CELF2: variants seen among roughly 807,000 people sequenced by gnomAD.
The protein encoded by CELF2 is CUG triplet repeat RNA-binding protein 2.
A neutral mutation model predicts 62.6 loss-of-function variants in CELF2; 8 were observed. The observed-to-expected ratio is 0.13, with a 90% CI of 0.07 to 0.23. The LOEUF (loss-of-function observed/expected upper bound fraction) is 0.23, where lower values mean the gene tolerates loss of function less well. Ranked by LOEUF, CELF2 falls within the 10% of genes least tolerant of loss-of-function variation. CELF2 has a pLI of 1.00. For synonymous variants in CELF2, 258 were observed against 250.0 expected (o/e 1.03, Z -0.30); for missense variants, 333 against 671.0 (o/e 0.50, Z 5.56).
intron 1 of CELF2, among the ~76,000 whole-genome samples, chr10:11,028,393 G>A (rs1325000768): frequency 6.6e-6 from 1 of 150,640 alleles, no homozygotes; most frequent in African/African-American, 2.4e-5. Context: ...AGCCGTTAAG[G>A]AAACGATTTT....
At chr10:10,944,767 AT>A (rs1175925869) in intron 2 of CELF2, among the ~76,000 whole-genome samples, 3 of 151,922 alleles carry the variant, frequency 2.0e-5, no homozygotes, top group African/African-American at 7.2e-5. Context: ...ACACCCAGCT[AT>A]TTTTTTGTAT....
In CELF2 at chr10:11,145,822, G is replaced by C. The variant is rs2062161090; in HGVS notation, c.75-19664G>C. Among the ~76,000 whole-genome samples the C allele has an allele frequency of 6.6e-6, 1 of 152,182 alleles. No homozygotes were observed. ...GTAGCGTTCTGGGTGCTGGGGATCAGGTTAGGCCAGGTAGCTTCTGTTTAA... is the reference window on the plus strand; with the variant it reads ...GTAGCGTTCTGGGTGCTGGGGATCACGTTAGGCCAGGTAGCTTCTGTTTAA... On this transcript the variant is annotated intron_variant, in intron 1 of 12. Transcript: ENST00000633077. This position sits in a 1 kb window ranked among gnomAD's most constrained non-coding sequence, Gnocchi z 4.3.
chr10:10,505,028 G>A, the CELF2 span, among the ~76,000 whole-genome samples: 2 of 152,100 alleles, frequency 1.3e-5, no homozygotes, highest in Non-Finnish European at 2.9e-5. Context: ...TGTCATCAAG[G>A]TGTTGGCATC....
chr10:11,318,589 TG>T lies in CELF2; in HGVS notation c.1097-2598del. 2.7e-6 allele frequency: 1 copy of T among 372,774 alleles called. No individual in the cohort carries two copies. Among genetic ancestry groups the T allele is most frequent in the Non-Finnish European group, 5.4e-6 (1 of 184,318 alleles). The allele number at this position is 372,774 out of a possible 1,614,324, so 23.1% of individuals were successfully genotyped here. A position where few individuals can be genotyped will look rare whatever the true frequency, so the allele number is the denominator to read the frequency against. On this transcript the variant is annotated intron_variant, in intron 10 of 12. Transcript: ENST00000633077. The surrounding 1 kb of genome is among the most constrained non-coding windows in gnomAD (Gnocchi z 5.4). ...TGGAGCCAGGAGAGAAGGATGTGGC[TG>T]GAATGTCACTGGCTGGAGCTCCAAG...
chr10:10,793,614 C>G (rs2053976865), upstream of CELF2, among the ~76,000 whole-genome samples: 1 of 152,202 alleles, frequency 6.6e-6, no homozygotes, highest in Admixed American at 6.5e-5. Context: ...ATGCGTTCAA[C>G]TAGCCAATCT....
At chr10:10,463,950 C>G in the CELF2 span, among the ~76,000 whole-genome samples, 9 of 119,698 alleles carry the variant, frequency 7.5e-5, no homozygotes, top group African/African-American at 2.4e-4. Context: ...TCCATTAAAA[C>G]CTTTTTCTAA....
At chr10:11,030,811 A>T (rs1250421183) in intron 1 of CELF2, 1 of 152,118 alleles carries the variant, frequency 6.6e-6, no homozygotes, top group East Asian at 1.9e-4. Context: ...CTTTTTCTTG[A>T]TTGTATTTCA....
intron 2 of CELF2, among the ~76,000 whole-genome samples, chr10:10,940,963 T>G (rs1207730235): frequency 3.3e-5 from 5 of 152,212 alleles, no homozygotes; most frequent in Non-Finnish European, 7.3e-5. Flanking sequence ...CTACCAAACA[T>G]CTAAGTATGC....
At chr10:10,747,606 G>A in the CELF2 span, among the ~76,000 whole-genome samples, 60,109 of 151,770 alleles carry the variant, frequency 0.4, 13,067 homozygotes, top group African/African-American at 0.55. Context: ...ATGCTCTGAG[G>A]ATGGAAAATA....
In CELF2 at chr10:11,306,712, A is replaced by C. The variant is rs1565897851; in HGVS notation, c.977-7427A>C. ...CACTTTAAGGCAAGTCATCTAGTTA[A>C]TTTTTCTTAGTCTCATGCTTGATTC... On this transcript the variant is annotated intron_variant, in intron 9 of 12. Transcript: ENST00000633077. This position sits in a 1 kb window ranked among gnomAD's most constrained non-coding sequence, Gnocchi z 4.4. Among the ~76,000 whole-genome samples the C allele has an allele frequency of 6.6e-6, 1 of 151,964 alleles. No homozygotes were observed. The highest frequency in any genetic ancestry group is 1.5e-5 in the Non-Finnish European group (1 of 67,996).
At position 10,990,901 on chromosome 10, in the gene CELF2, G is replaced by T. The variant is rs140771808; in HGVS notation, c.89+70902G>T. 7.7e-3 allele frequency among the ~76,000 whole-genome samples: 1,168 copies of T among 152,180 alleles called. 8 individuals are homozygous for T. The highest frequency in any genetic ancestry group is 0.026 in the African/African-American group (1,095 of 41,524). On this transcript the variant is annotated intron_variant, in intron 2 of 13. Coordinates refer to the CELF2 transcript ENST00000636488. The surrounding 1 kb of genome is among the most constrained non-coding windows in gnomAD (Gnocchi z 4.6). Reference sequence around the variant, plus strand: ...AATTTTGCAGGCATTTTGGCATTGAGTCTTCATTTAAAGAATGAAAATGAA... The same window carrying T: ...AATTTTGCAGGCATTTTGGCATTGATTCTTCATTTAAAGAATGAAAATGAA...
rs372655381 is a variant in CELF2, at chr10:11,056,889, CTG to C, written c.74+38729_74+38730del. Among the ~76,000 whole-genome samples, 742 of 152,306 alleles carry C rather than the reference CTG, an allele frequency of 4.9e-3. 6 individuals are homozygous for C. Among genetic ancestry groups the C allele is most frequent in the African/African-American group, 0.017 (725 of 41,564 alleles). On this transcript the variant is annotated intron_variant, in intron 1 of 12. Transcript: ENST00000633077. ...AAGAAGTCATAGTACTGGGGGAAGT[CTG>C]TGCAGGGAAGGGCAAGGCCCACAGG...
At chr10:10,900,761 A>G (rs540094113) in intron 1 of CELF2, among the ~76,000 whole-genome samples, 1 of 152,342 alleles carries the variant, frequency 6.6e-6, no homozygotes, top group African/African-American at 2.4e-5. Flanking sequence ...AAAGACACTT[A>G]TATTGAAAAG....
At chr10:11,286,982 T>C (rs2091469597) in intron 8 of CELF2, among the ~76,000 whole-genome samples, 1 of 152,174 alleles carries the variant, frequency 6.6e-6, no homozygotes. Flanking sequence ...AAATGCACCC[T>C]GGTTGAGGAG....
chr10:10,803,556 C>CTCCCAG (rs1351428455), intron 1 of CELF2, among the ~76,000 whole-genome samples: 2 of 152,226 alleles, frequency 1.3e-5, no homozygotes, highest in Non-Finnish European at 2.9e-5. Flanking sequence ...CTTCCCTGAC[C>CTCCCAG]TCCCAGTTTA....
At chr10:11,074,385 C>A (rs931560746) in intron 1 of CELF2, among the ~76,000 whole-genome samples, 10 of 152,100 alleles carry the variant, frequency 6.6e-5, no homozygotes, top group African/African-American at 2.2e-4. Flanking sequence ...TCGCTTCCAG[C>A]CTAGGTCTAT....
At chr10:10,500,495 T>C in the CELF2 span, among the ~76,000 whole-genome samples, 7 of 152,180 alleles carry the variant, frequency 4.6e-5, no homozygotes, top group Non-Finnish European at 8.8e-5. Flanking sequence ...GATCTGATGG[T>C]TTTATAAAGG....
the CELF2 span, among the ~76,000 whole-genome samples, chr10:10,650,973 C>T: frequency 3.6e-4 from 55 of 152,136 alleles, no homozygotes; most frequent in Non-Finnish European, 6.6e-4. Flanking sequence ...GTTCATCTCA[C>T]TAGGGAGTGC....
At chr10:10,816,313 T>C (rs2056460032) in intron 1 of CELF2, among the ~76,000 whole-genome samples, 1 of 152,224 alleles carries the variant, frequency 6.6e-6, no homozygotes, top group African/African-American at 2.4e-5. Flanking sequence ...AAAGGCACAT[T>C]CAGGTAATTT....
Sources: gnomAD v4.1 joint callset for allele counts (sites outside exome capture counted in the v4.1 genomes callset) on GRCh38, gnomAD v4.1.1 for gene constraint, Gnocchi (gnomAD v3.1) non-coding constraint, MANE v1.5 for transcripts, NCBI Gene and HGNC (gene_info 2026-07-23, HGNC 2026-07-21) for gene names.